Variants in FHIP2A observed in about 807,000 individuals in gnomAD.
FHIP2A encodes the protein FHF complex subunit HOOK interacting protein 2A, also known as family with sequence similarity 160 member B1.
A neutral mutation model predicts 93.5 loss-of-function variants in FHIP2A; 46 were observed. That is an observed-to-expected ratio of 0.49 (90% CI 0.39 to 0.63). The LOEUF (loss-of-function observed/expected upper bound fraction) is 0.63, where lower values mean the gene tolerates loss of function less well. Among genes scored for constraint, FHIP2A ranks in the 20% least tolerant of loss-of-function variants. The probability of loss-of-function intolerance (pLI) is 0.00; values close to 1 mark genes in which losing one functional copy is unlikely to be tolerated. For synonymous variants in FHIP2A, 332 were observed against 326.5 expected, an observed-to-expected ratio of 1.02 and a Z score of -0.18; for missense variants, 769 against 909.7, an observed-to-expected ratio of 0.85 and a Z score of 1.99.
At chr10:114,870,226 T>C (rs558652979) in intron 16 of FHIP2A, among the ~76,000 whole-genome samples, 3 of 152,306 alleles carry the variant, frequency 2.0e-5, no homozygotes, top group South Asian at 4.1e-4. Flanking sequence ...GTCAACCTTA[T>C]TAGGTTAAGA....
At position 114,822,141 on chromosome 10, in the gene FHIP2A, G is replaced by T; in HGVS notation, c.45+18G>T. The T allele has an allele frequency of 2.3e-6, 3 of 1,305,118 alleles. No individual in the cohort carries two copies. The highest frequency in any genetic ancestry group is 2.1e-5 in the South Asian group (1 of 47,360). The allele number at this position is 1,305,118 out of a possible 1,614,324, so 80.8% of individuals were successfully genotyped here. A position where few individuals can be genotyped will look rare whatever the true frequency, so the allele number is the denominator to read the frequency against. On this transcript the variant is annotated intron_variant, in intron 1 of 16. Transcript: ENST00000369248. ...TGGAGGCGGTAAGGCCGCGGGCTGC[G>T]GGCGCACGGCAGGCCGGGGATGGCG...
intron 16 of FHIP2A, among the ~76,000 whole-genome samples, chr10:114,869,871 A>T (rs2083848516): frequency 6.6e-6 from 1 of 152,244 alleles, no homozygotes; most frequent in South Asian, 2.1e-4. Context: ...TTTCATGCAT[A>T]GCATATAATA....
chr10:114,880,459 C>T (rs756383355), intron 16 of FHIP2A, among the ~76,000 whole-genome samples: 71 of 152,132 alleles, frequency 4.7e-4, no homozygotes, highest in Non-Finnish European at 1.5e-4. Context: ...GCAGGCAGAT[C>T]GCATGAGGCC....
chr10:114,897,227 T>C (rs904012460), intron 16 of FHIP2A, among the ~76,000 whole-genome samples: 2 of 152,222 alleles, frequency 1.3e-5, no homozygotes, highest in Admixed American at 1.3e-4. Flanking sequence ...TCTCTGCCTT[T>C]GCCTCTTTTA....
intron 5 of FHIP2A, among the ~76,000 whole-genome samples, chr10:114,841,786 C>G (rs2083670387): frequency 6.6e-6 from 1 of 152,060 alleles, no homozygotes; most frequent in African/African-American, 2.4e-5. Context: ...ATTCATTCAG[C>G]CTTTAATATG....
Position 114,860,801 on chromosome 10 carries a change from T to C in FHIP2A, c.2000T>C (p.Phe667Ser), listed in dbSNP as rs1415099795. The change falls in exon 15 of 17, where the codon TTC (phenylalanine) becomes TCC (serine). Residue 667 changes from phenylalanine to serine, a missense_variant. Physicochemically the swap from Phe to Ser is radical, Grantham distance 155. Coordinates refer to ENST00000369248, the MANE Select transcript of FHIP2A (RefSeq NM_020940.4). The part of the protein sequence containing the change: ...VTSVLSRLSL[F>S]PHPHIHEYLL... ...TCAGTGTTATCTAGACTTTCTCTCT[T>C]CCCTCATCCACACATCCACGAGTAC... 6.2e-7 allele frequency: 1 copy of C among 1,608,898 alleles called. No individual in the cohort carries two copies.
chr10:114,822,014 G>A lies in FHIP2A; in HGVS notation c.-65G>A. The stretch of plus-strand genomic sequence containing the variant: ...CGGCCCCGGCAGCCGCAGCAGGGGC[G>A]GCGGCGGCGGATCGAGGAGCTCTCC... On this transcript the variant is annotated 5_prime_UTR_variant, in exon 1 of 17. Transcript: ENST00000369248. The A allele has an allele frequency of 9.2e-7, 1 of 1,089,784 alleles. No homozygotes were observed. Among genetic ancestry groups the A allele is most frequent in the Non-Finnish European group, 1.2e-6 (1 of 846,314 alleles). The allele number at this position is 1,089,784 out of a possible 1,614,324, so 67.5% of individuals were successfully genotyped here.
At chr10:114,828,738 C>T (rs2083591537) in intron 1 of FHIP2A, among the ~76,000 whole-genome samples, 2 of 151,952 alleles carry the variant, frequency 1.3e-5, no homozygotes, top group Admixed American at 6.6e-5. Context: ...TTTTTTCTCC[C>T]CATGTTCTCC....
At chr10:114,882,120 C>T (rs1312917595) in intron 16 of FHIP2A, among the ~76,000 whole-genome samples, 2 of 152,246 alleles carry the variant, frequency 1.3e-5, no homozygotes, top group Non-Finnish European at 1.5e-5. Context: ...TCTGCTTACT[C>T]ACGGACAGAA....
At chr10:114,849,335 C>T (rs1430948599) in intron 13 of FHIP2A, among the ~76,000 whole-genome samples, 1 of 151,968 alleles carries the variant, frequency 6.6e-6, no homozygotes, top group Non-Finnish European at 1.5e-5. Flanking sequence ...AATAATTCTA[C>T]CCACCATGCA....
chr10:114,834,194 T>C (rs928517618), intron 3 of FHIP2A, among the ~76,000 whole-genome samples: 4 of 152,234 alleles, frequency 2.6e-5, no homozygotes, highest in African/African-American at 9.6e-5. Flanking sequence ...AATAGTAGCA[T>C]GCAAGATGAT....
chr10:114,877,699 T>G (rs1489092880), intron 16 of FHIP2A, among the ~76,000 whole-genome samples: 1 of 152,162 alleles, frequency 6.6e-6, no homozygotes, highest in Non-Finnish European at 1.5e-5. Context: ...GGAGAAAATT[T>G]TAATTTTAGA....
chr10:114,846,333 G>GGTT lies in FHIP2A; in HGVS notation c.1365_1367dup (p.Leu456dup), dbSNP rs2083701044. 2 of 1,614,106 alleles carry GGTT rather than the reference G, an allele frequency of 1.2e-6. No individual in the cohort carries two copies. Among genetic ancestry groups the GGTT allele is most frequent in the Non-Finnish European group, 1.7e-6 (2 of 1,180,000 alleles). ...ATCAGCAGACATCCTTTAAGGCATA[G>GGTT]GTTAATTGAACATTGTGATCACATA... On this transcript the variant is annotated inframe_insertion, in exon 10 of 17. Coordinates refer to ENST00000369248, the MANE Select transcript of FHIP2A (RefSeq NM_020940.4).
At chr10:114,876,992 A>AC (rs2083892779) in intron 16 of FHIP2A, among the ~76,000 whole-genome samples, 3 of 99,696 alleles carry the variant, frequency 3.0e-5, no homozygotes, top group African/African-American at 1.6e-4. Context: ...CCTTCCCAGT[A>AC]TTGAGCAATT....
intron 13 of FHIP2A, among the ~76,000 whole-genome samples, chr10:114,853,883 C>T (rs115978594): frequency 1.0e-3 from 158 of 152,038 alleles, no homozygotes; most frequent in African/African-American, 3.3e-3. Context: ...CCACTGCACC[C>T]GACCATTTTC....
intron 13 of FHIP2A, among the ~76,000 whole-genome samples, chr10:114,850,743 A>G (rs1179417298): frequency 6.6e-6 from 1 of 152,066 alleles, no homozygotes. Flanking sequence ...TAATTGGGCT[A>G]TTTGTCTTTT....
At chr10:114,835,400 T>C (rs1206056949) in intron 3 of FHIP2A, 137 bp from the exon 4 acceptor site, 1 of 548,710 alleles carries the variant, frequency 1.8e-6, no homozygotes, top group East Asian at 2.8e-5. Flanking sequence ...CTGACAGTTA[T>C]TAACTGGCCA....
chr10:114,855,295 T>A lies in FHIP2A; in HGVS notation c.1902T>A (p.His634Gln), dbSNP rs1056567652. Residue 634 changes from histidine (H) to glutamine (Q), a missense_variant, in exon 14 of 17, where the codon CAT becomes CAA. By Grantham distance (24) the His-to-Gln change is conservative. Coordinates refer to ENST00000369248, the MANE Select transcript of FHIP2A (RefSeq NM_020940.4). ...TAGAAGCTGCTTTCTTTGAAGGTCA[T>A]TTTTTGAAAGTGCTGTTCGACAGAA... ...CNLEAAFFEG[H>Q]FLKVLFDRMG... The A allele has an allele frequency of 6.2e-7, 1 of 1,613,780 alleles. No homozygotes were observed. Among genetic ancestry groups the A allele is most frequent in the South Asian group, 1.1e-5 (1 of 91,062 alleles).
chr10:114,875,690 T>C (rs2143014572), intron 16 of FHIP2A, among the ~76,000 whole-genome samples: 2 of 139,750 alleles, frequency 1.4e-5, no homozygotes, highest in African/African-American at 5.4e-5. Flanking sequence ...CGAGACTCTG[T>C]CGAAAGAAAA....
Sources: gnomAD v4.1 joint callset for allele counts (sites outside exome capture counted in the v4.1 genomes callset) on GRCh38, gnomAD v4.1.1 for gene constraint, MANE v1.5 for transcripts, NCBI Gene and HGNC (gene_info 2026-07-23, HGNC 2026-07-21) for gene names.